ZNF804B: variants seen among roughly 807,000 people sequenced by gnomAD.
ZNF804B encodes zinc finger 804B.
In ZNF804B, 80 loss-of-function variants were observed where a neutral mutation model predicts 101.4. The observed-to-expected ratio is 0.79, with a 90% CI of 0.66 to 0.95. The LOEUF (loss-of-function observed/expected upper bound fraction) is 0.95, where lower values mean the gene tolerates loss of function less well. ZNF804B is among the 40% of genes least tolerant of loss of function. The pLI is 0.00. For synonymous variants in ZNF804B, 622 were observed against 558.8 expected (o/e 1.11, Z -1.59); for missense variants, 1,673 against 1,561.9 (o/e 1.07, Z -1.20).
In ZNF804B at chr7:88,905,233, T is replaced by C. The variant is rs564176231; in HGVS notation, c.108+145149T>C. 2.8e-4 allele frequency among the ~76,000 whole-genome samples: 42 copies of C among 152,354 alleles called. 1 individual carries two copies. In the South Asian group the frequency reaches 8.7e-3, roughly 32 times the overall value. ...TAAGGTTTTTGCTTTTAATCCTGTG[T>C]ATGTGCTGAATCACAGTTATTTATT... On this transcript the variant is annotated intron_variant, in intron 1 of 3. Coordinates refer to ENST00000333190, the MANE Select transcript of ZNF804B (RefSeq NM_181646.5).
chr7:89,123,342 G>A (rs1454566389), intron 1 of ZNF804B, among the ~76,000 whole-genome samples: 1 of 152,082 alleles, frequency 6.6e-6, no homozygotes, highest in Non-Finnish European at 1.5e-5. Context: ...TCCTCAAGAT[G>A]ATATACTATG....
At chr7:88,830,276 C>T (rs1397833994) in intron 1 of ZNF804B, among the ~76,000 whole-genome samples, 4 of 151,784 alleles carry the variant, frequency 2.6e-5, no homozygotes, top group Non-Finnish European at 4.4e-5. Context: ...CAAAGCAGTC[C>T]ATAACAAAAA....
intron 1 of ZNF804B, among the ~76,000 whole-genome samples, chr7:88,768,044 T>C (rs1790009931): frequency 6.6e-6 from 1 of 152,242 alleles, no homozygotes; most frequent in Admixed American, 6.5e-5. Flanking sequence ...GTCATCCTTA[T>C]GTCTGCAAAT....
intron 1 of ZNF804B, among the ~76,000 whole-genome samples, chr7:89,083,414 G>A (rs9791501): frequency 0.36 from 54,614 of 151,506 alleles, 11,220 homozygotes; most frequent in African/African-American, 0.56. Context: ...CTGGGTTTCT[G>A]ATCATTTGGG....
At chr7:88,913,556 G>C (rs569757014) in intron 1 of ZNF804B, among the ~76,000 whole-genome samples, 1 of 152,034 alleles carries the variant, frequency 6.6e-6, no homozygotes, top group Non-Finnish European at 1.5e-5. Context: ...CACCAGGCCC[G>C]GTTAATTTTT....
At chr7:88,934,750 G>A (rs751967565) in intron 1 of ZNF804B, among the ~76,000 whole-genome samples, 4 of 152,074 alleles carry the variant, frequency 2.6e-5, no homozygotes, top group Non-Finnish European at 2.9e-5. Flanking sequence ...ATAGATGTTG[G>A]TGTCGATGTG....
intron 1 of ZNF804B, among the ~76,000 whole-genome samples, chr7:89,190,649 A>G (rs1788442150): frequency 6.6e-6 from 1 of 152,188 alleles, no homozygotes; most frequent in African/African-American, 2.4e-5. Context: ...ACAGCACTGC[A>G]TGCTCCAGAG....
chr7:89,142,664 TG>T (rs1790734107), intron 1 of ZNF804B, among the ~76,000 whole-genome samples: 1 of 151,986 alleles, frequency 6.6e-6, no homozygotes, highest in Non-Finnish European at 1.5e-5. Flanking sequence ...CTGGGCACAA[TG>T]GTTCTGGCAC....
At chr7:89,058,924 G>T in intron 1 of ZNF804B, among the ~76,000 whole-genome samples, 1 of 149,490 alleles carries the variant, frequency 6.7e-6, no homozygotes, top group East Asian at 2.0e-4. Context: ...TAACTCCTGC[G>T]TTCAAGTGAT....
intron 2 of ZNF804B, among the ~76,000 whole-genome samples, chr7:89,228,750 C>T (rs1789137103): frequency 6.6e-6 from 1 of 152,190 alleles, no homozygotes; most frequent in African/African-American, 2.4e-5. Context: ...GCCTGCCAGT[C>T]CTGCACCATG....
rs538419907 is a variant in ZNF804B at position 88,953,854 on chromosome 7, C to A, written c.108+193770C>A. Among the ~76,000 whole-genome samples the A allele has an allele frequency of 2.0e-5, 3 of 151,686 alleles. No homozygotes were observed. The South Asian group carries it at 6.2e-4, about 31-fold the overall frequency. On this transcript the variant is annotated intron_variant, in intron 1 of 3. Transcript: ENST00000333190. The stretch of plus-strand genomic sequence containing the variant: ...TACTACACATAATTTTTATTGATTG[C>A]ATTCTATTATATGGATATAAAATAT...
intron 2 of ZNF804B, among the ~76,000 whole-genome samples, chr7:89,263,361 T>TC (rs777904327): frequency 6.6e-6 from 1 of 152,020 alleles, no homozygotes; most frequent in Non-Finnish European, 1.5e-5. Context: ...ATGGCTTTTT[T>TC]CCGCTGCTTG....
At chr7:88,767,302 A>G (rs1038924440) in intron 1 of ZNF804B, among the ~76,000 whole-genome samples, 3 of 152,064 alleles carry the variant, frequency 2.0e-5, no homozygotes, top group Non-Finnish European at 2.9e-5. Flanking sequence ...GAACCCACCT[A>G]CCAGTGTTCT....
chr7:88,882,928 T>C (rs1326687119), intron 1 of ZNF804B, among the ~76,000 whole-genome samples: 1 of 151,984 alleles, frequency 6.6e-6, no homozygotes, highest in East Asian at 1.9e-4. Context: ...GGTCACAGGA[T>C]CACTCATATC....
At chr7:89,175,721 TTC>T (rs1791307449) in intron 1 of ZNF804B, among the ~76,000 whole-genome samples, 1 of 152,062 alleles carries the variant, frequency 6.6e-6, no homozygotes, top group Non-Finnish European at 1.5e-5. Context: ...TCTTTTCACT[TTC>T]TGTGTCCTTT....
At chr7:89,090,961 A>G (rs1789876357) in intron 1 of ZNF804B, among the ~76,000 whole-genome samples, 1 of 152,184 alleles carries the variant, frequency 6.6e-6, no homozygotes, top group African/African-American at 2.4e-5. Flanking sequence ...GGTGATCAGA[A>G]TCAGGCAATA....
At chr7:89,047,808 T>C (rs750996514) in intron 1 of ZNF804B, among the ~76,000 whole-genome samples, 2 of 152,002 alleles carry the variant, frequency 1.3e-5, no homozygotes, top group Middle Eastern at 3.4e-3. Context: ...CTCTAGACTG[T>C]CTAGAACCAC....
At chr7:88,830,049 C>A (rs1240477053) in intron 1 of ZNF804B, among the ~76,000 whole-genome samples, 2 of 152,040 alleles carry the variant, frequency 1.3e-5, no homozygotes, top group Non-Finnish European at 2.9e-5. Flanking sequence ...TGACGTTTTG[C>A]CATGGTGTGG....
At chr7:89,220,576 A>C (rs533383437) in intron 2 of ZNF804B, among the ~76,000 whole-genome samples, 1 of 151,926 alleles carries the variant, frequency 6.6e-6, no homozygotes, top group Non-Finnish European at 1.5e-5. Flanking sequence ...CATTATTTTG[A>C]AGCAAGTGCC....
Sources: allele counts gnomAD v4.1 joint callset (sites outside exome capture counted in the v4.1 genomes callset), GRCh38; gene constraint gnomAD v4.1.1; transcripts MANE v1.5; gene names NCBI Gene and HGNC (gene_info 2026-07-23, HGNC 2026-07-21).